Variants in RANBP17 observed in about 807,000 individuals in gnomAD.
RANBP17 encodes the protein RAN binding protein 17.
In RANBP17, 158 loss-of-function variants were observed where a neutral mutation model predicts 141.2. The ratio of observed to expected loss-of-function variants is 1.12; its 90% CI spans 0.98 to 1.28. The LOEUF (loss-of-function observed/expected upper bound fraction) is 1.28. Among genes scored for constraint, RANBP17 ranks in the 50% most tolerant of loss-of-function variants. The probability of loss-of-function intolerance (pLI) is 0.00; values close to 1 mark genes in which losing one functional copy is unlikely to be tolerated. For missense variants in RANBP17, 1,438 were observed against 1,290.7 expected, an observed-to-expected ratio of 1.11 and a Z score of -1.75; for synonymous variants, 430 against 450.0, an observed-to-expected ratio of 0.96 and a Z score of 0.56.
intron 21 of RANBP17, among the ~76,000 whole-genome samples, chr5:171,214,870 G>A (rs889082477): frequency 6.6e-6 from 1 of 151,864 alleles, no homozygotes; most frequent in South Asian, 2.1e-4. Context: ...AGTATTTTAT[G>A]TCAGCCACAG....
Position 171,174,751 on chromosome 5 carries a change from AGTGTGTGTGT to A in RANBP17, c.1865+3498_1865+3507del, listed in dbSNP as rs57948503. Among the ~76,000 whole-genome samples the A allele has an allele frequency of 5.4e-3, 737 of 135,714 alleles. 3 individuals are homozygous for A. The highest frequency in any genetic ancestry group is 8.1e-3 in the African/African-American group (289 of 35,856). 89.0% of individuals were successfully genotyped at this position (135,714 alleles called of 152,430 possible). A position where few individuals can be genotyped will look rare whatever the true frequency, so the allele number is the denominator to read the frequency against. Reference sequence around the variant, plus strand: ...ACATGAGAAAACTAAAAATATCTAGAGTGTGTGTGTGTGTGTGTGTGTGTGTGTGTGTGTG... The same window carrying A: ...ACATGAGAAAACTAAAAATATCTAGAGTGTGTGTGTGTGTGTGTGTGTGTG... On this transcript the variant is annotated intron_variant, in intron 16 of 27. Transcript: ENST00000523189.
chr5:171,199,759 CAAG>C lies in RANBP17; in HGVS notation c.2133_2135del (p.Glu711del), dbSNP rs1561756880. 3 of 1,597,596 alleles carry C rather than the reference CAAG, an allele frequency of 1.9e-6. No homozygotes were observed. Among genetic ancestry groups the C allele is most frequent in the Admixed American group, 1.7e-5 (1 of 59,344 alleles). ...ACAAATATTCAACAACAACTTTAAACAAGAAGATGTAAAGGTGGGTTTGTTTCC... is the reference window on the plus strand; with the variant it reads ...ACAAATATTCAACAACAACTTTAAACAAGATGTAAAGGTGGGTTTGTTTCC... On this transcript the variant is annotated inframe_deletion, in exon 19 of 28. Coordinates refer to ENST00000523189, the MANE Select transcript of RANBP17 (RefSeq NM_022897.5).
At chr5:171,007,669 G>A (rs531921334) in intron 14 of RANBP17, among the ~76,000 whole-genome samples, 25 of 152,176 alleles carry the variant, frequency 1.6e-4, no homozygotes, top group African/African-American at 5.3e-4. Context: ...CCCATTTTTC[G>A]ACAAAAATTA....
intron 12 of RANBP17, among the ~76,000 whole-genome samples, chr5:170,951,589 G>C (rs1022127519): frequency 1.3e-5 from 2 of 152,040 alleles, no homozygotes; most frequent in Admixed American, 6.6e-5. Context: ...AGAAGCTAGG[G>C]GCATGGGGGT....
chr5:171,008,970 TG>T (rs1779848953), intron 14 of RANBP17, among the ~76,000 whole-genome samples: 1 of 152,228 alleles, frequency 6.6e-6, no homozygotes, highest in Non-Finnish European at 1.5e-5. Flanking sequence ...CTTTTCAATT[TG>T]TATAATTTAC....
chr5:171,111,791 G>A (rs933057373), intron 14 of RANBP17, among the ~76,000 whole-genome samples: 1 of 152,120 alleles, frequency 6.6e-6, no homozygotes, highest in Non-Finnish European at 1.5e-5. Flanking sequence ...TTAACACATA[G>A]AACAAAGCAA....
chr5:171,228,011 A>G (rs992280682), intron 22 of RANBP17, among the ~76,000 whole-genome samples: 2 of 152,226 alleles, frequency 1.3e-5, no homozygotes, highest in Non-Finnish European at 2.9e-5. Context: ...ATGGAGATGT[A>G]CAAGGAGATT....
At chr5:171,262,318 G>A (rs552079401) in intron 24 of RANBP17, among the ~76,000 whole-genome samples, 2 of 152,270 alleles carry the variant, frequency 1.3e-5, no homozygotes, top group African/African-American at 4.8e-5. Flanking sequence ...CAACAAGTCT[G>A]TATTTGACTT....
chr5:170,901,635 G>A (rs1430229139), intron 5 of RANBP17, among the ~76,000 whole-genome samples: 2 of 152,158 alleles, frequency 1.3e-5, no homozygotes, highest in African/African-American at 2.4e-5. Flanking sequence ...TTACAATTTG[G>A]TATGTTTTTG....
At chr5:171,110,947 G>C (rs1254421110) in intron 14 of RANBP17, among the ~76,000 whole-genome samples, 1 of 151,340 alleles carries the variant, frequency 6.6e-6, no homozygotes, top group Non-Finnish European at 1.5e-5. Context: ...TGCCATGCTG[G>C]TGCACTGCAC....
intron 8 of RANBP17, among the ~76,000 whole-genome samples, chr5:170,915,040 T>C (rs562975795): frequency 6.6e-6 from 1 of 152,116 alleles, no homozygotes; most frequent in African/African-American, 2.4e-5. Flanking sequence ...GAATCTAGAG[T>C]TTAAGGTAGT....
intron 24 of RANBP17, chr5:171,252,407 T>G: frequency 1.3e-6 from 2 of 1,527,102 alleles, no homozygotes; most frequent in Non-Finnish European, 1.8e-6. Context: ...GATGAAGATT[T>G]TTTAGACCTG....
At chr5:171,040,326 C>CA (rs1243184428) in intron 14 of RANBP17, among the ~76,000 whole-genome samples, 1 of 152,116 alleles carries the variant, frequency 6.6e-6, no homozygotes, top group Non-Finnish European at 1.5e-5. Flanking sequence ...TAAGATATGA[C>CA]AGAAAGTCTC....
intron 16 of RANBP17, among the ~76,000 whole-genome samples, chr5:171,174,155 G>A (rs1361432002): frequency 6.6e-6 from 1 of 152,110 alleles, no homozygotes; most frequent in African/African-American, 2.4e-5. Flanking sequence ...TTTCCCATCA[G>A]ATTCATTACA....
chr5:170,901,137 G>A (rs1770601701), intron 5 of RANBP17, among the ~76,000 whole-genome samples: 1 of 152,054 alleles, frequency 6.6e-6, no homozygotes, highest in Non-Finnish European at 1.5e-5. Flanking sequence ...TTATTGTGTG[G>A]GAGTCTAAGT....
At chr5:171,016,397 G>T (rs1902792) in intron 14 of RANBP17, among the ~76,000 whole-genome samples, 83,939 of 151,846 alleles carry the variant, frequency 0.55, 26,248 homozygotes, top group South Asian at 0.81. Context: ...GTGAGAGGCT[G>T]AGTTTTGCCT....
chr5:171,256,018 AT>A (rs2128009050), intron 24 of RANBP17, among the ~76,000 whole-genome samples: 1 of 151,624 alleles, frequency 6.6e-6, no homozygotes, highest in South Asian at 2.1e-4. Context: ...AAAAAAGGAA[AT>A]GTTGTATTAT....
At chr5:171,171,775 A>G (rs2127885988) in intron 16 of RANBP17, among the ~76,000 whole-genome samples, 1 of 152,122 alleles carries the variant, frequency 6.6e-6, no homozygotes, top group Non-Finnish European at 1.5e-5. Flanking sequence ...ACAATGGAGT[A>G]ATACAAAGAA....
At chr5:171,147,771 G>T (rs1758163423) in intron 14 of RANBP17, among the ~76,000 whole-genome samples, 1 of 152,118 alleles carries the variant, frequency 6.6e-6, no homozygotes, top group African/African-American at 2.4e-5. Flanking sequence ...CAGGTGGGGG[G>T]GTCAGCCCCC....
Sources: allele counts gnomAD v4.1 joint callset (sites outside exome capture counted in the v4.1 genomes callset), GRCh38; gene constraint gnomAD v4.1.1; transcripts MANE v1.5; gene names NCBI Gene and HGNC (gene_info 2026-07-23, HGNC 2026-07-21).